Variants in ABCB1 observed in about 807,000 individuals in gnomAD.
ABCB1 encodes ATP-dependent translocase ABCB1.
Under a neutral mutation model 142.0 loss-of-function variants are expected in ABCB1, and 69 were observed. The ratio of observed to expected loss-of-function variants is 0.49; its 90% CI spans 0.40 to 0.59. ABCB1 has a LOEUF of 0.59. Among genes scored for constraint, ABCB1 ranks in the 20% least tolerant of loss-of-function variants. ABCB1 has a pLI of 0.00. For missense variants in ABCB1, 1,326 were observed against 1,554.7 expected, an observed-to-expected ratio of 0.85 and a Z score of 2.47; for synonymous variants, 532 against 539.2, an observed-to-expected ratio of 0.99 and a Z score of 0.18.
chr7:87,696,574 T>C (rs1828512077), intron 1 of ABCB1, among the ~76,000 whole-genome samples: 1 of 152,200 alleles, frequency 6.6e-6, no homozygotes, highest in South Asian at 2.1e-4. Context: ...TTGGAGGTTC[T>C]AGCAAGAGAA....
chr7:87,668,697 A>G (rs1825518947), intron 1 of ABCB1, among the ~76,000 whole-genome samples: 1 of 152,104 alleles, frequency 6.6e-6, no homozygotes, highest in Admixed American at 6.5e-5. Flanking sequence ...ATTATTTTCA[A>G]AGAACTTCTT....
At chr7:87,577,362 T>C (rs979457376) in intron 4 of ABCB1, among the ~76,000 whole-genome samples, 2 of 152,178 alleles carry the variant, frequency 1.3e-5, no homozygotes, top group Admixed American at 6.5e-5. Context: ...TTGTGAATAG[T>C]GATGCAAGAA....
At chr7:87,657,767 A>C (rs1563109329) in intron 1 of ABCB1, among the ~76,000 whole-genome samples, 1 of 152,154 alleles carries the variant, frequency 6.6e-6, no homozygotes, top group Non-Finnish European at 1.5e-5. Context: ...ATGCCAGTGG[A>C]AACCATGTAG....
At chr7:87,589,805 G>GGAGAGAGAGA (rs370840500) in intron 3 of ABCB1, among the ~76,000 whole-genome samples, 1,713 of 105,226 alleles carry the variant, frequency 0.016, 37 homozygotes, top group African/African-American at 0.035. Flanking sequence ...GAGAGAGAGA[G>GGAGAGAGAGA]GAGAGAGAGA....
At position 87,550,141 on chromosome 7, in the gene ABCB1, G is replaced by A. The variant is rs377260637; in HGVS notation, c.1350+30C>T. 135 of 1,614,034 alleles carry A rather than the reference G, an allele frequency of 8.4e-5. No individual in the cohort carries two copies. The highest frequency in any genetic ancestry group is 4.7e-4 in the African/African-American group (35 of 75,050). The stretch of plus-strand genomic sequence containing the variant: ...ATGTGCAATGTGACTGCTGATCACC[G>A]CAGGGTCTAGCTCGCATGGGTCATC... On this transcript the variant is annotated intron_variant, in intron 12 of 27. Transcript: ENST00000622132.
intron 2 of ABCB1, among the ~76,000 whole-genome samples, chr7:87,596,113 C>T (rs1819198553): frequency 6.6e-6 from 1 of 152,020 alleles, no homozygotes; most frequent in Admixed American, 6.6e-5. Context: ...TACATACACC[C>T]TTTGCAATTA....
chr7:87,698,556 C>T (rs1828718980), intron 1 of ABCB1, among the ~76,000 whole-genome samples: 5 of 152,026 alleles, frequency 3.3e-5, no homozygotes, highest in Admixed American at 3.3e-4. Context: ...AAAACTATTG[C>T]TATAAAAAGA....
At chr7:87,550,676 A>C (rs1391243456) in intron 10 of ABCB1, 49 bp downstream of exon 10, 1 of 1,558,654 alleles carries the variant, frequency 6.4e-7, no homozygotes, top group Admixed American at 1.7e-5. Context: ...AAATTGACTT[A>C]ACTGGACAAT....
intron 1 of ABCB1, among the ~76,000 whole-genome samples, chr7:87,632,109 A>G (rs1313756883): frequency 5.3e-5 from 8 of 152,030 alleles, no homozygotes; most frequent in Non-Finnish European, 1.0e-4. Context: ...CCATTTACAA[A>G]ACCAAAAAAA....
chr7:87,575,016 A>T (rs1184943310), intron 4 of ABCB1, among the ~76,000 whole-genome samples: 1 of 152,170 alleles, frequency 6.6e-6, no homozygotes, highest in Non-Finnish European at 1.5e-5. Flanking sequence ...AAAATATTCC[A>T]TCCAACCATT....
chr7:87,597,330 C>T (rs1027063761), intron 2 of ABCB1, among the ~76,000 whole-genome samples: 1 of 151,960 alleles, frequency 6.6e-6, no homozygotes, highest in Non-Finnish European at 1.5e-5. Context: ...AGAATCTTTG[C>T]TAATAGTCAT....
chr7:87,636,353 G>A (rs892811423), intron 1 of ABCB1, among the ~76,000 whole-genome samples: 17 of 152,192 alleles, frequency 1.1e-4, no homozygotes, highest in African/African-American at 3.9e-4. Flanking sequence ...CCGTAAGTCT[G>A]TAGGCCATTT....
Position 87,549,877 on chromosome 7 carries a change from A to G in ABCB1, c.1528T>C (p.Tyr510His). The G allele has an allele frequency of 6.2e-7, 1 of 1,614,234 alleles. No homozygotes were observed. Among genetic ancestry groups the G allele is most frequent in the Non-Finnish European group, 8.5e-7 (1 of 1,180,042 alleles). The change falls in exon 13 of 28, where the codon TAT becomes CAT. Residue 510 changes from tyrosine to histidine, a missense_variant. By Grantham distance (83) the Tyr-to-His change is moderately conservative. Transcript: ENST00000622132. The part of the protein sequence containing the change: ...IEKAVKEANA[Y>H]DFIMKLPHKF... ...TGAGGCAGTTTCATGATAAAGTCAT[A>G]GGCATTGGCTTCCTTGACAGCTTTC...
chr7:87,526,962 C>A (rs367773386), intron 21 of ABCB1, among the ~76,000 whole-genome samples: 1 of 152,046 alleles, frequency 6.6e-6, no homozygotes, highest in South Asian at 2.1e-4. Context: ...TGCTTCTCTT[C>A]CTTATTAATA....
At chr7:87,642,804 T>C (rs1001938886) in intron 1 of ABCB1, among the ~76,000 whole-genome samples, 7 of 152,188 alleles carry the variant, frequency 4.6e-5, no homozygotes, top group Non-Finnish European at 1.0e-4. Context: ...ATGTTAATAA[T>C]ATAGTATTTC....
intron 1 of ABCB1, among the ~76,000 whole-genome samples, chr7:87,638,907 C>A (rs1187633711): frequency 1.3e-5 from 2 of 152,066 alleles, no homozygotes; most frequent in Non-Finnish European, 1.5e-5. Flanking sequence ...AATCCCAGCA[C>A]TTTGGGAGGC....
chr7:87,530,333 A>G (rs776880097), intron 21 of ABCB1, among the ~76,000 whole-genome samples: 27 of 152,068 alleles, frequency 1.8e-4, no homozygotes, highest in Non-Finnish European at 1.9e-4. Context: ...CATCAGAGGA[A>G]CTCTTTGTTT....
At chr7:87,546,664 T>G (rs1267943304) in intron 14 of ABCB1, among the ~76,000 whole-genome samples, 2 of 152,160 alleles carry the variant, frequency 1.3e-5, no homozygotes, top group African/African-American at 4.8e-5. Context: ...CAGGCCATTG[T>G]GCTGTACTGA....
chr7:87,683,416 T>C (rs1337363825), intron 1 of ABCB1, among the ~76,000 whole-genome samples: 1 of 152,226 alleles, frequency 6.6e-6, no homozygotes, highest in Non-Finnish European at 1.5e-5. Context: ...CCTTCCTCAA[T>C]AAGATTAATC....
Sources: allele counts gnomAD v4.1 joint callset (sites outside exome capture counted in the v4.1 genomes callset), GRCh38; gene constraint gnomAD v4.1.1; transcripts MANE v1.5; gene names NCBI Gene and HGNC (gene_info 2026-07-23, HGNC 2026-07-21).